The following THEMIS variants were observed in gnomAD, a reference collection of about 807,000 sequenced individuals.
THEMIS encodes the protein protein THEMIS.
A neutral mutation model predicts 52.6 loss-of-function variants in THEMIS; 37 were observed. That is an observed-to-expected ratio of 0.70 (90% confidence interval 0.54 to 0.93). THEMIS has a LOEUF of 0.93. THEMIS is among the 40% of genes least tolerant of loss of function. The probability of loss-of-function intolerance (pLI) is 0.00; values close to 1 mark genes in which losing one functional copy is unlikely to be tolerated. For synonymous variants in THEMIS, 292 were observed against 272.7 expected (o/e 1.07, Z -0.70); for missense variants, 808 against 763.1 (o/e 1.06, Z -0.69).
chr6:127,799,553 A>ATCTTTCTTTCTTTCTTTCTT (rs748513282), intron 4 of THEMIS, among the ~76,000 whole-genome samples: 9 of 144,618 alleles, frequency 6.2e-5, no homozygotes, highest in South Asian at 2.2e-4. Flanking sequence ...CTTTCTTTCT[A>ATCTTTCTTTCTTTCTTTCTT]TCTTTCTTTC....
intron 4 of THEMIS, among the ~76,000 whole-genome samples, chr6:127,790,322 C>A (rs1777114751): frequency 6.6e-6 from 1 of 152,298 alleles, no homozygotes; most frequent in South Asian, 2.1e-4. Context: ...GTCTCTCCAA[C>A]AGTTTCAGCA....
Position 127,744,989 on chromosome 6 carries a change from T to A in THEMIS, c.1759-25166A>T, listed in dbSNP as rs1775338208. On this transcript the variant is annotated intron_variant, in intron 4 of 5. Transcript: ENST00000368248. ...GACTCTTCAAATGGTATACCTTAAA[T>A]ATGTACAGTTTTATTGTATATCAAT... 2.0e-5 allele frequency among the ~76,000 whole-genome samples: 3 copies of A among 152,056 alleles called. No homozygotes were observed. In the South Asian group the frequency reaches 6.2e-4, roughly 32 times the overall value.
At chr6:127,750,047 T>C (rs900162140) in intron 4 of THEMIS, among the ~76,000 whole-genome samples, 4 of 148,724 alleles carry the variant, frequency 2.7e-5, no homozygotes, top group Non-Finnish European at 6.0e-5. Context: ...TCAGACATAC[T>C]CTAACAAATT....
At chr6:127,773,816 C>A (rs1776466414) in intron 4 of THEMIS, among the ~76,000 whole-genome samples, 2 of 152,086 alleles carry the variant, frequency 1.3e-5, no homozygotes, top group Admixed American at 1.3e-4. Flanking sequence ...TAAAAAATAG[C>A]AAATTTATTC....
intron 4 of THEMIS, among the ~76,000 whole-genome samples, chr6:127,792,872 T>C (rs1049202641): frequency 1.3e-5 from 2 of 152,318 alleles, no homozygotes; most frequent in South Asian, 2.1e-4. Context: ...CAATTATAAG[T>C]GAACAGGTAC....
In THEMIS at chr6:127,813,783, T is replaced by G. The variant is rs768285653; in HGVS notation, c.858A>C (p.Glu286Asp). 6 of 1,614,026 alleles carry G rather than the reference T, an allele frequency of 3.7e-6. No individual in the cohort carries two copies. The South Asian group carries it at 6.6e-5, about 18-fold the overall frequency. ...GGTTTCCTTCAGGTGCTTCTATGAC[T>G]TCAGTCACTATGGGGAACTCTTTAC... ...MTSKEFPIVTEVIEAPEGNHL... is the reference protein window; with the variant it reads ...MTSKEFPIVTDVIEAPEGNHL... Residue 286 changes from glutamate to aspartate, a missense_variant, in exon 4 of 6, where the codon GAA (glutamate) becomes GAC (aspartate). Coordinates refer to ENST00000368248, the MANE Select transcript of THEMIS (RefSeq NM_001010923.3).
intron 4 of THEMIS, among the ~76,000 whole-genome samples, chr6:127,742,912 T>C (rs1775259420): frequency 6.6e-6 from 1 of 152,168 alleles, no homozygotes. Context: ...CTTTAAATAT[T>C]GTTAAAATGG....
chr6:127,710,171 A>C (rs1773927067), intron 5 of THEMIS, among the ~76,000 whole-genome samples, 155 bp from the exon 6 acceptor site: 1 of 151,898 alleles, frequency 6.6e-6, no homozygotes, highest in Non-Finnish European at 1.5e-5. Context: ...ATAAAGAAAA[A>C]AAAAAAAGAA....
chr6:127,718,571 A>G (rs1774251334), intron 5 of THEMIS, among the ~76,000 whole-genome samples: 1 of 151,950 alleles, frequency 6.6e-6, no homozygotes, highest in Non-Finnish European at 1.5e-5. Flanking sequence ...GTTATCTGGT[A>G]CTTTTTAGAA....
At chr6:127,857,742 G>A (rs923209422) in intron 1 of THEMIS, among the ~76,000 whole-genome samples, 1 of 151,990 alleles carries the variant, frequency 6.6e-6, no homozygotes, top group African/African-American at 2.4e-5. Flanking sequence ...TTTTTAACAA[G>A]ATCCCTAGAT....
intron 5 of THEMIS, among the ~76,000 whole-genome samples, chr6:127,711,184 ATT>A (rs576066572): frequency 1.3e-5 from 2 of 149,398 alleles, no homozygotes; most frequent in Middle Eastern, 3.5e-3. Flanking sequence ...TCATTTTCTC[ATT>A]TTTTTTTAAA....
At chr6:127,768,397 T>C (rs1018895305) in intron 4 of THEMIS, among the ~76,000 whole-genome samples, 3 of 152,162 alleles carry the variant, frequency 2.0e-5, no homozygotes, top group African/African-American at 7.2e-5. Flanking sequence ...TCCTTCTGAC[T>C]TCAAAGTGTA....
intron 4 of THEMIS, among the ~76,000 whole-genome samples, chr6:127,795,775 T>C (rs1777312095): frequency 1.3e-5 from 2 of 152,228 alleles, no homozygotes; most frequent in South Asian, 4.1e-4. Context: ...GTAATTGCAG[T>C]TCTTGACACT....
chr6:127,881,518 A>T (rs1206581437), intron 1 of THEMIS, among the ~76,000 whole-genome samples: 1 of 151,974 alleles, frequency 6.6e-6, no homozygotes, highest in Admixed American at 6.6e-5. Context: ...TTGGTACTTA[A>T]CAACAAAGAA....
intron 5 of THEMIS, among the ~76,000 whole-genome samples, chr6:127,712,518 A>T (rs1333234554): frequency 1.3e-5 from 2 of 151,932 alleles, no homozygotes; most frequent in African/African-American, 4.8e-5. Context: ...TCTTTTTGGC[A>T]TTCACCTACT....
In THEMIS at chr6:127,836,710, G is replaced by A. The variant is rs191589780; in HGVS notation, c.251-6776C>T. ...ACATTCTTTTGGTTCCATATTACTA[G>A]GCAATAAAACTAACTTCAACAGCAT... On this transcript the variant is annotated intron_variant, in intron 2 of 5. Transcript: ENST00000368248. Among the ~76,000 whole-genome samples the A allele has an allele frequency of 3.5e-3, 540 of 152,180 alleles. 2 individuals are homozygous for A. Among genetic ancestry groups the A allele is most frequent in the Non-Finnish European group, 5.4e-3 (370 of 67,996 alleles).
chr6:127,779,432 T>G (rs1776671761), intron 4 of THEMIS, among the ~76,000 whole-genome samples: 1 of 152,158 alleles, frequency 6.6e-6, no homozygotes, highest in East Asian at 1.9e-4. Context: ...GGAGAAGAGA[T>G]AGTTAGATTA....
chr6:127,823,419 T>C (rs1778405854), intron 3 of THEMIS, among the ~76,000 whole-genome samples: 1 of 152,146 alleles, frequency 6.6e-6, no homozygotes, highest in South Asian at 2.1e-4. Flanking sequence ...AATCTGGATA[T>C]AGTGAGTGAG....
At chr6:127,699,200 A>C in the THEMIS span, among the ~76,000 whole-genome samples, 1 of 151,610 alleles carries the variant, frequency 6.6e-6, no homozygotes, top group African/African-American at 2.4e-5. Flanking sequence ...GTGATCCACA[A>C]ATTTATCTAA....
Sources: allele counts gnomAD v4.1 joint callset (sites outside exome capture counted in the v4.1 genomes callset), GRCh38; gene constraint gnomAD v4.1.1; transcripts MANE v1.5; gene names NCBI Gene and HGNC (gene_info 2026-07-23, HGNC 2026-07-21).